NMT1: variants seen among roughly 807,000 people sequenced by gnomAD.
NMT1 encodes N-myristoyltransferase 1.
A neutral mutation model predicts 63.4 loss-of-function variants in NMT1; 12 were observed. The ratio of observed to expected loss-of-function variants is 0.19; its 90% CI spans 0.12 to 0.31. The LOEUF (loss-of-function observed/expected upper bound fraction) is 0.31, where lower values mean the gene tolerates loss of function less well. Among genes scored for constraint, NMT1 ranks in the 10% least tolerant of loss-of-function variants. The probability of loss-of-function intolerance (pLI) is 1.00; values close to 1 mark genes in which losing one functional copy is unlikely to be tolerated. For synonymous variants in NMT1, 228 were observed against 234.3 expected (o/e 0.97, Z 0.25); for missense variants, 432 against 634.6 (o/e 0.68, Z 3.43).
Position 45,062,603 on chromosome 17 carries a change from C to T in NMT1, c.131+1143C>T, listed in dbSNP as rs148339717. Reference sequence around the variant, plus strand: ...CTATGTTTAGGTATGCTTAGATACACAAATACTTACCATTGTATTATAGTT... The same window carrying T: ...CTATGTTTAGGTATGCTTAGATACATAAATACTTACCATTGTATTATAGTT... On this transcript the variant is annotated intron_variant, in intron 1 of 11. Transcript: ENST00000258960. 5.3e-3 allele frequency among the ~76,000 whole-genome samples: 814 copies of T among 152,272 alleles called. 9 individuals carry two copies. Among genetic ancestry groups the T allele is most frequent in the African/African-American group, 0.019 (770 of 41,540 alleles).
intron 7 of NMT1, 24 bp from the exon 8 acceptor site, chr17:45,099,381 G>A (rs1261931696): frequency 6.5e-7 from 1 of 1,528,132 alleles, no homozygotes; most frequent in Non-Finnish European, 9.1e-7. Flanking sequence ...GAACCCTGAG[G>A]ACAGGACATT....
intron 8 of NMT1, among the ~76,000 whole-genome samples, chr17:45,101,090 A>C (rs2054161007): frequency 6.6e-6 from 1 of 151,318 alleles, no homozygotes; most frequent in Non-Finnish European, 1.5e-5. Context: ...AGGCTGAGGC[A>C]GGAGAATGGC....
chr17:45,107,784 G>C lies in NMT1; in HGVS notation c.*2145G>C, dbSNP rs2054211972. ...CTCTGTTTCGGTTGACCCAGGTCAT[G>C]GAATGGAAACGGTGAGGCCCCAGTG... On this transcript the variant is annotated 3_prime_UTR_variant, in exon 12 of 12. Coordinates refer to ENST00000258960, the MANE Select transcript of NMT1 (RefSeq NM_021079.5). The C allele has an allele frequency of 6.6e-6, 1 of 152,338 alleles. No individual in the cohort carries two copies. Among genetic ancestry groups the C allele is most frequent in the Non-Finnish European group, 1.5e-5 (1 of 68,138 alleles). 9.4% of individuals were successfully genotyped at this position (152,338 alleles called of 1,614,324 possible).
In NMT1 at chr17:45,069,654, C is replaced by T. The variant is rs573586148; in HGVS notation, c.131+8194C>T. ...ATCTCCACTGGTCTCTTTGACATCTCAGAGGATCCATTCTGAACTTGCTAG... is the reference window on the plus strand; with the variant it reads ...ATCTCCACTGGTCTCTTTGACATCTTAGAGGATCCATTCTGAACTTGCTAG... On this transcript the variant is annotated intron_variant, in intron 1 of 11. Coordinates refer to ENST00000258960, the MANE Select transcript of NMT1 (RefSeq NM_021079.5). Among the ~76,000 whole-genome samples, 424 of 152,224 alleles carry T rather than the reference C, an allele frequency of 2.8e-3. 1 individual carries two copies. The highest frequency in any genetic ancestry group is 9.1e-3 in the African/African-American group (380 of 41,540).
At chr17:45,092,571 G>A (rs11870728) in intron 3 of NMT1, among the ~76,000 whole-genome samples, 23,247 of 151,244 alleles carry the variant, frequency 0.15, 2,069 homozygotes, top group Non-Finnish European at 0.2. Flanking sequence ...ATTAGCCAGC[G>A]TGGTGGCGGA....
chr17:45,078,732 G>A (rs1195968345), intron 1 of NMT1, among the ~76,000 whole-genome samples: 1 of 151,992 alleles, frequency 6.6e-6, no homozygotes, highest in Non-Finnish European at 1.5e-5. Context: ...TGCGATTTTA[G>A]CTCACTGCAG....
chr17:45,093,816 T>G lies in NMT1; in HGVS notation c.504+13T>G. On this transcript the variant is annotated intron_variant, in intron 4 of 11. Transcript: ENST00000258960. ...CGATCGTGGTGTGGTGAGTGGGCCC[T>G]CAGAAGGTTACACCTGCGGGTAGGA... 2 of 1,605,826 alleles carry G rather than the reference T, an allele frequency of 1.2e-6. No homozygotes were observed. The highest frequency in any genetic ancestry group is 2.7e-5 in the African/African-American group (2 of 74,866).
At chr17:45,102,809 T>G (rs997457120) in intron 8 of NMT1, 142 bp from the exon 9 acceptor site, 237 of 636,044 alleles carry the variant, frequency 3.7e-4, no homozygotes, top group Non-Finnish European at 3.8e-4. Flanking sequence ...AGGCAGGCCC[T>G]GTGCCTGAGG....
intron 5 of NMT1, 63 bp downstream of exon 5, chr17:45,096,348 G>C (rs1274973120): frequency 1.5e-6 from 2 of 1,354,964 alleles, no homozygotes; most frequent in Non-Finnish European, 2.1e-6. Flanking sequence ...CCACCAGAGG[G>C]CACCAGAGTT....
intron 4 of NMT1, among the ~76,000 whole-genome samples, chr17:45,095,646 C>G (rs775530278): frequency 6.6e-6 from 1 of 152,074 alleles, no homozygotes; most frequent in African/African-American, 2.4e-5. Flanking sequence ...GTAGTATGCC[C>G]CAGTAGTCTC....
chr17:45,081,795 A>G (rs1364124443), intron 2 of NMT1, 43 bp downstream of exon 2: 1 of 1,435,380 alleles, frequency 7.0e-7, no homozygotes, highest in Non-Finnish European at 9.5e-7. Flanking sequence ...TCACTTTTTC[A>G]CATGAGAGAG....
intron 1 of NMT1, among the ~76,000 whole-genome samples, chr17:45,063,778 C>T (rs1266475213): frequency 2.6e-5 from 4 of 152,082 alleles, no homozygotes; most frequent in Admixed American, 2.0e-4. Flanking sequence ...CGCCTATAGT[C>T]CCAGCTACTC....
intron 8 of NMT1, among the ~76,000 whole-genome samples, chr17:45,101,020 A>G (rs1426161792): frequency 6.7e-6 from 1 of 148,964 alleles, no homozygotes; most frequent in Non-Finnish European, 1.5e-5. Context: ...TCTCTACTAA[A>G]AATACAAAAA....
rs1429798567 is a variant in NMT1, at chr17:45,098,449, C to G, written c.781C>G (p.Pro261Ala). 6.2e-7 allele frequency: 1 copy of G among 1,614,178 alleles called. No individual in the cohort carries two copies. The highest frequency in any genetic ancestry group is 8.5e-7 in the Non-Finnish European group (1 of 1,180,036). The change falls in exon 7 of 12, where the codon CCA (proline) becomes GCA (alanine). Residue 261 changes from proline (P) to alanine (A), a missense_variant. Pro to Ala is a conservative substitution (Grantham distance 27). Coordinates refer to ENST00000258960, the MANE Select transcript of NMT1 (RefSeq NM_021079.5). The part of the protein sequence containing the change: ...HKKLRSKRVA[P>A]VLIREITRRV... ...GAAGCTGCGTTCCAAGAGGGTTGCT[C>G]CAGTTCTGATCCGAGAGATCACCAG...
At chr17:45,100,396 C>T (rs1415063408) in intron 8 of NMT1, among the ~76,000 whole-genome samples, 1 of 151,310 alleles carries the variant, frequency 6.6e-6, no homozygotes, top group East Asian at 2.0e-4. Context: ...GAAACCCCGT[C>T]TCTAGTAAAA....
chr17:45,102,526 G>A (rs551376148), intron 8 of NMT1, among the ~76,000 whole-genome samples: 1 of 152,378 alleles, frequency 6.6e-6, no homozygotes, highest in African/African-American at 2.4e-5. Context: ...GTCTAGCAGA[G>A]AAAGAGCAGT....
intron 1 of NMT1, chr17:45,061,942 C>T (rs1479775120): frequency 6.5e-6 from 1 of 152,932 alleles, no homozygotes; most frequent in Non-Finnish European, 1.5e-5. Flanking sequence ...AATATCACTA[C>T]CAGAGAATCC....
At chr17:45,087,958 C>G (rs890581635) in intron 3 of NMT1, among the ~76,000 whole-genome samples, 1 of 152,142 alleles carries the variant, frequency 6.6e-6, no homozygotes, top group Non-Finnish European at 1.5e-5. Context: ...TTTGTCGGGC[C>G]CCACCCCAAA....
At chr17:45,080,458 C>G (rs1195771693) in intron 1 of NMT1, among the ~76,000 whole-genome samples, 3 of 131,430 alleles carry the variant, frequency 2.3e-5, no homozygotes, top group East Asian at 4.3e-4. Flanking sequence ...CCACACCCAG[C>G]CTTTTCCTTT....
Sources: allele counts gnomAD v4.1 joint callset (sites outside exome capture counted in the v4.1 genomes callset), GRCh38; gene constraint gnomAD v4.1.1; transcripts MANE v1.5; gene names NCBI Gene and HGNC (gene_info 2026-07-23, HGNC 2026-07-21).